The following ST6GALNAC3 variants were observed in gnomAD, a reference collection of about 807,000 sequenced individuals.
The protein encoded by ST6GALNAC3 is ST6 N-acetylgalactosaminide alpha-2,6-sialyltransferase 3, also known as alpha-N-acetylgalactosaminide alpha-2,6-sialyltransferase 3.
A neutral mutation model predicts 32.7 loss-of-function variants in ST6GALNAC3; 25 were observed. The ratio of observed to expected loss-of-function variants is 0.76; its 90% confidence interval spans 0.56 to 1.07. The LOEUF is 1.07. Ranked by LOEUF, ST6GALNAC3 falls within the 50% of genes least tolerant of loss-of-function variation. The probability of loss-of-function intolerance (pLI) is 0.00; values close to 1 mark genes in which losing one functional copy is unlikely to be tolerated. For missense variants in ST6GALNAC3, 355 were observed against 382.4 expected (o/e 0.93, Z 0.60); for synonymous variants, 129 against 133.1 (o/e 0.97, Z 0.21).
At chr1:76,498,561 G>T (rs931250539) in intron 3 of ST6GALNAC3, among the ~76,000 whole-genome samples, 1 of 152,076 alleles carries the variant, frequency 6.6e-6, no homozygotes, top group Non-Finnish European at 1.5e-5. Flanking sequence ...GCAAAGCTGC[G>T]CTATTTTTCA....
At chr1:76,254,219 T>G (rs1325963214) in intron 1 of ST6GALNAC3, among the ~76,000 whole-genome samples, 1 of 152,098 alleles carries the variant, frequency 6.6e-6, no homozygotes, top group Non-Finnish European at 1.5e-5. Context: ...CAGTTACTAT[T>G]TCTAGATCCA....
chr1:76,089,176 CT>C (rs1272117638), intron 1 of ST6GALNAC3, among the ~76,000 whole-genome samples: 1 of 152,156 alleles, frequency 6.6e-6, no homozygotes, highest in African/African-American at 2.4e-5. Flanking sequence ...CTACAGGCAC[CT>C]GCCACTACGC....
At chr1:76,265,649 A>AG (rs1658486919) in intron 1 of ST6GALNAC3, among the ~76,000 whole-genome samples, 1 of 152,238 alleles carries the variant, frequency 6.6e-6, no homozygotes, top group South Asian at 2.1e-4. Context: ...ACCCTGGCTC[A>AG]GCTGCTTATT....
At chr1:76,095,111 T>G (rs1472875809) in intron 1 of ST6GALNAC3, among the ~76,000 whole-genome samples, 1 of 151,922 alleles carries the variant, frequency 6.6e-6, no homozygotes, top group Non-Finnish European at 1.5e-5. Flanking sequence ...GGAGTTAGAG[T>G]CCTTTCTGTG....
intron 1 of ST6GALNAC3, among the ~76,000 whole-genome samples, chr1:76,275,784 G>A (rs1408578219): frequency 2.6e-5 from 4 of 152,094 alleles, no homozygotes; most frequent in Non-Finnish European, 4.4e-5. Context: ...AGTATTTACT[G>A]TCTTGTATAT....
chr1:76,355,315 A>C (rs1649345826), intron 2 of ST6GALNAC3, among the ~76,000 whole-genome samples: 1 of 152,192 alleles, frequency 6.6e-6, no homozygotes, highest in African/African-American at 2.4e-5. Flanking sequence ...GAAAATAGAA[A>C]TTATGTATAT....
Position 76,369,259 on chromosome 1 carries a change from C to T in ST6GALNAC3, c.214-42749C>T, listed in dbSNP as rs527568010. 2.0e-5 allele frequency among the ~76,000 whole-genome samples: 3 copies of T among 152,218 alleles called. No individual in the cohort carries two copies. In the East Asian group the frequency reaches 5.8e-4, roughly 29 times the overall value. Reference sequence around the variant, plus strand: ...CTCTTAGGCTCACACTTCAAGGAGGCTGCTCATTAATTTTTCAACATGCTC... The same window carrying T: ...CTCTTAGGCTCACACTTCAAGGAGGTTGCTCATTAATTTTTCAACATGCTC... On this transcript the variant is annotated intron_variant, in intron 2 of 4. Coordinates refer to ENST00000328299, the MANE Select transcript of ST6GALNAC3 (RefSeq NM_152996.4).
chr1:76,398,778 A>C (rs933287454), intron 2 of ST6GALNAC3, among the ~76,000 whole-genome samples: 1 of 152,196 alleles, frequency 6.6e-6, no homozygotes, highest in South Asian at 2.1e-4. Context: ...ATATACATTC[A>C]GGTATACAGT....
chr1:76,100,160 T>A (rs1005626469), intron 1 of ST6GALNAC3, among the ~76,000 whole-genome samples: 17 of 152,188 alleles, frequency 1.1e-4, no homozygotes, highest in African/African-American at 3.9e-4. Context: ...TTTGGATTTC[T>A]ACATCCACAA....
intron 2 of ST6GALNAC3, among the ~76,000 whole-genome samples, chr1:76,401,465 T>C (rs1237306584): frequency 2.0e-5 from 3 of 152,244 alleles, no homozygotes; most frequent in Non-Finnish European, 4.4e-5. Flanking sequence ...TGTTTTAGTC[T>C]ATATCCTGTA....
intron 3 of ST6GALNAC3, among the ~76,000 whole-genome samples, chr1:76,494,466 T>TATAC (rs1455368804): frequency 2.0e-5 from 1 of 50,716 alleles, no homozygotes; most frequent in Non-Finnish European, 3.9e-5. Flanking sequence ...TATATATATA[T>TATAC]ATACACACAC....
chr1:76,256,640 G>A (rs1336231531), intron 1 of ST6GALNAC3, among the ~76,000 whole-genome samples: 1 of 151,976 alleles, frequency 6.6e-6, no homozygotes, highest in African/African-American at 2.4e-5. Context: ...CAGGGGGGTG[G>A]GGTGGGGTAT....
At chr1:76,282,646 G>A (rs576264393) in intron 1 of ST6GALNAC3, among the ~76,000 whole-genome samples, 2 of 152,194 alleles carry the variant, frequency 1.3e-5, no homozygotes, top group African/African-American at 2.4e-5. Context: ...TAGAGGAATC[G>A]CCTATATGTT....
intron 3 of ST6GALNAC3, among the ~76,000 whole-genome samples, chr1:76,486,888 G>A (rs1356252475): frequency 3.3e-5 from 5 of 152,072 alleles, no homozygotes; most frequent in African/African-American, 9.7e-5. Context: ...CATGTTTAGT[G>A]CTTCCTTCAG....
At chr1:76,341,631 T>TTC in intron 2 of ST6GALNAC3, among the ~76,000 whole-genome samples, 1 of 133,422 alleles carries the variant, frequency 7.5e-6, no homozygotes, top group Middle Eastern at 3.7e-3. Context: ...CTTTCTTTCT[T>TTC]TCTTTCTTTC....
chr1:76,095,607 T>C (rs978894620), intron 1 of ST6GALNAC3, among the ~76,000 whole-genome samples: 2 of 152,218 alleles, frequency 1.3e-5, no homozygotes, highest in Non-Finnish European at 2.9e-5. Flanking sequence ...AGCTGCCTAC[T>C]TGTAGGGCTG....
intron 1 of ST6GALNAC3, among the ~76,000 whole-genome samples, chr1:76,152,262 A>C (rs140836691): frequency 1.3e-5 from 2 of 152,136 alleles, no homozygotes; most frequent in African/African-American, 2.4e-5. Flanking sequence ...TGCTTTTCCA[A>C]GGACACTGCT....
chr1:76,474,175 T>A (rs369703633), intron 3 of ST6GALNAC3, among the ~76,000 whole-genome samples: 1 of 152,116 alleles, frequency 6.6e-6, no homozygotes, highest in Non-Finnish European at 1.5e-5. Context: ...AATGCAGAAT[T>A]GTGAGCAAAA....
intron 3 of ST6GALNAC3, among the ~76,000 whole-genome samples, chr1:76,523,290 T>G (rs1333301517): frequency 6.6e-6 from 1 of 152,180 alleles, no homozygotes; most frequent in Non-Finnish European, 1.5e-5. Flanking sequence ...GTTATTCATT[T>G]TTTTTATAAT....
Sources: gnomAD v4.1 joint callset for allele counts (sites outside exome capture counted in the v4.1 genomes callset) on GRCh38, gnomAD v4.1.1 for gene constraint, MANE v1.5 for transcripts, NCBI Gene and HGNC (gene_info 2026-07-23, HGNC 2026-07-21) for gene names.